Variants in SPAST observed in about 807,000 individuals in gnomAD.
SPAST encodes spastin.
In SPAST, 30 loss-of-function variants were observed where a neutral mutation model predicts 76.6. The observed-to-expected ratio is 0.39, with a 90% CI of 0.29 to 0.53. The LOEUF is 0.53. Ranked by LOEUF, SPAST falls within the 20% of genes least tolerant of loss-of-function variation. SPAST has a pLI of 0.68. For synonymous variants in SPAST, 305 were observed against 281.0 expected (o/e 1.09, Z -0.86); for missense variants, 717 against 770.5 (o/e 0.93, Z 0.82).
At chr2:32,131,980 T>C (rs1679384666) in intron 9 of SPAST, among the ~76,000 whole-genome samples, 1 of 152,132 alleles carries the variant, frequency 6.6e-6, no homozygotes, top group Non-Finnish European at 1.5e-5. Context: ...TTCTCTTTTA[T>C]CCATACTTTT....
chr2:32,146,224 T>C (rs1679880720), intron 15 of SPAST, among the ~76,000 whole-genome samples: 1 of 152,084 alleles, frequency 6.6e-6, no homozygotes, highest in African/African-American at 2.4e-5. Flanking sequence ...TATTCTAAGG[T>C]AGACAAAATT....
At chr2:32,140,691 C>A (rs1679687411) in intron 12 of SPAST, among the ~76,000 whole-genome samples, 1 of 151,838 alleles carries the variant, frequency 6.6e-6, no homozygotes, top group East Asian at 1.9e-4. Flanking sequence ...TTTGGGAGGC[C>A]AGATCACTTG....
chr2:32,125,849 C>T (rs1218921491), intron 7 of SPAST, among the ~76,000 whole-genome samples: 3 of 152,080 alleles, frequency 2.0e-5, no homozygotes, highest in Non-Finnish European at 4.4e-5. Context: ...GGTTGGAGTG[C>T]AGTGGCGCAA....
rs886194986 is a variant in SPAST at position 32,099,532 on chromosome 2, CTTTT to C, written c.682+647_682+650del. Among the ~76,000 whole-genome samples the C allele has an allele frequency of 7.8e-4, 118 of 151,268 alleles. 1 individual carries two copies. The highest frequency in any genetic ancestry group is 2.6e-3 in the African/African-American group (108 of 41,300). ...GAGCTAGCTTTTTGTTTAATTAAAA[CTTTT>C]TTTTTAGTTGACAGATAATGTACCT... On this transcript the variant is annotated intron_variant, in intron 4 of 16. Transcript: ENST00000315285.
intron 9 of SPAST, among the ~76,000 whole-genome samples, chr2:32,133,656 A>T (rs936497837): frequency 3.6e-5 from 5 of 138,126 alleles, no homozygotes; most frequent in Non-Finnish European, 7.7e-5. Context: ...ATCTATTATT[A>T]AAAAAAAAAA....
chr2:32,099,646 AT>A (rs1360507656), intron 4 of SPAST, among the ~76,000 whole-genome samples: 1 of 152,098 alleles, frequency 6.6e-6, no homozygotes, highest in Non-Finnish European at 1.5e-5. Flanking sequence ...CATCCCAAAC[AT>A]TTATCATTCC....
At chr2:32,144,078 T>A (rs1679810768) in intron 14 of SPAST, among the ~76,000 whole-genome samples, 1 of 152,214 alleles carries the variant, frequency 6.6e-6, no homozygotes, top group South Asian at 2.1e-4. Flanking sequence ...TCATGAATTT[T>A]ATTCCCTGAA....
At chr2:32,151,516 A>G (rs1163901212) in intron 16 of SPAST, among the ~76,000 whole-genome samples, 1 of 152,166 alleles carries the variant, frequency 6.6e-6, no homozygotes, top group Non-Finnish European at 1.5e-5. Context: ...TTTGCTCTCT[A>G]AAACTGTATA....
chr2:32,095,759 G>T (rs2148715196), intron 3 of SPAST, among the ~76,000 whole-genome samples: 1 of 151,984 alleles, frequency 6.6e-6, no homozygotes, highest in East Asian at 1.9e-4. Context: ...AAAAGAAAAA[G>T]AATTTGAGAA....
Position 32,093,401 on chromosome 2 carries a change from G to A in SPAST, c.586+3796G>A, listed in dbSNP as rs1053791230. On this transcript the variant is annotated intron_variant, in intron 3 of 16. Transcript: ENST00000315285. ...GGAGGTTGAGGCATGAGAATTGCTC[G>A]AGCCTGGGAGGCAGAGGTTGCAGTA... Among the ~76,000 whole-genome samples the A allele has an allele frequency of 7.3e-5, 11 of 151,620 alleles. No homozygotes were observed. The South Asian group carries it at 1.0e-3, about 14-fold the overall frequency.
At chr2:32,072,974 A>G (rs1676812291) in intron 1 of SPAST, among the ~76,000 whole-genome samples, 1 of 152,242 alleles carries the variant, frequency 6.6e-6, no homozygotes, top group Non-Finnish European at 1.5e-5. Context: ...TACATATGCA[A>G]TAAACATTTC....
chr2:32,094,346 G>A (rs572637702), intron 3 of SPAST, among the ~76,000 whole-genome samples: 1 of 152,064 alleles, frequency 6.6e-6, no homozygotes, highest in South Asian at 2.1e-4. Flanking sequence ...ATCCTCCTGA[G>A]TAGCTGGGAT....
rs1329601600 is a variant in SPAST, at chr2:32,157,220, T to C, written c.*2724T>C. On this transcript the variant is annotated 3_prime_UTR_variant, in exon 17 of 17. Transcript: ENST00000315285. ...TAAACTAAATTAAAACTTACTGATATATTGGACTTTGAGCCAAGGGAAAGA... is the reference window on the plus strand; with the variant it reads ...TAAACTAAATTAAAACTTACTGATACATTGGACTTTGAGCCAAGGGAAAGA... 1.3e-5 allele frequency: 2 copies of C among 152,606 alleles called. No individual in the cohort carries two copies. Among genetic ancestry groups the C allele is most frequent in the Middle Eastern group, 3.2e-3 (1 of 316 alleles). 9.5% of individuals were successfully genotyped at this position (152,606 alleles called of 1,614,324 possible). A position where few individuals can be genotyped will look rare whatever the true frequency, so the allele number is the denominator to read the frequency against.
At chr2:32,078,151 C>T (rs982870138) in intron 1 of SPAST, among the ~76,000 whole-genome samples, 2 of 151,916 alleles carry the variant, frequency 1.3e-5, no homozygotes, top group East Asian at 1.9e-4. Context: ...CCACTACGCC[C>T]GGCTAATTTT....
At chr2:32,130,346 C>T (rs991277773) in intron 9 of SPAST, 3 of 61,714 alleles carry the variant, frequency 4.9e-5, no homozygotes, top group Non-Finnish European at 1.0e-4. Context: ...GGCAAACATA[C>T]TTAAACTGAA....
At chr2:32,146,780 G>A (rs568239791) in intron 15 of SPAST, among the ~76,000 whole-genome samples, 3 of 143,870 alleles carry the variant, frequency 2.1e-5, no homozygotes, top group Non-Finnish European at 3.0e-5. Flanking sequence ...CAGGAGTATC[G>A]CTTGAACCTG....
At chr2:32,094,979 A>T (rs1239985201) in intron 3 of SPAST, among the ~76,000 whole-genome samples, 4 of 152,244 alleles carry the variant, frequency 2.6e-5, no homozygotes, top group African/African-American at 9.6e-5. Flanking sequence ...AAAGCCAGAA[A>T]AAAAGATTTT....
intron 4 of SPAST, among the ~76,000 whole-genome samples, chr2:32,109,832 A>G (rs1053829693): frequency 1.3e-5 from 2 of 149,156 alleles, no homozygotes; most frequent in Non-Finnish European, 3.0e-5. Context: ...ATAGTTACAT[A>G]TGTATATGCA....
chr2:32,068,484 C>T lies in SPAST; in HGVS notation c.415+4238C>T, dbSNP rs190614238. On this transcript the variant is annotated intron_variant, in intron 1 of 16. Coordinates refer to ENST00000315285, the MANE Select transcript of SPAST (RefSeq NM_014946.4). ...TTACAGGCATGTGCCACCCCACACCCAGCCAATTTTTGTATTTTTAGTAGA... is the reference window on the plus strand; with the variant it reads ...TTACAGGCATGTGCCACCCCACACCTAGCCAATTTTTGTATTTTTAGTAGA... 2.8e-4 allele frequency among the ~76,000 whole-genome samples: 42 copies of T among 151,986 alleles called. No individual in the cohort carries two copies. In the East Asian group the frequency reaches 5.5e-3, roughly 20 times the overall value.
Sources: allele counts gnomAD v4.1 joint callset (sites outside exome capture counted in the v4.1 genomes callset), GRCh38; gene constraint gnomAD v4.1.1; transcripts MANE v1.5; gene names NCBI Gene and HGNC (gene_info 2026-07-23, HGNC 2026-07-21).